EEF1AKMT1: variants seen among roughly 807,000 people sequenced by gnomAD.
EEF1AKMT1 encodes N-6 adenine-specific DNA methyltransferase 2 (putative).
EEF1AKMT1 carries 18 observed loss-of-function variants against 21.0 expected under a neutral mutation model. The observed-to-expected ratio is 0.86, with a 90% CI of 0.59 to 1.27. The LOEUF (loss-of-function observed/expected upper bound fraction) is 1.27. Ranked by LOEUF, EEF1AKMT1 falls within the 50% of genes most tolerant of loss-of-function variation. The pLI is 0.00. For synonymous variants in EEF1AKMT1, 109 were observed against 94.8 expected, an observed-to-expected ratio of 1.15 and a Z score of -0.87; for missense variants, 246 against 258.6, an observed-to-expected ratio of 0.95 and a Z score of 0.33.
rs71087090 is a variant in EEF1AKMT1, at chr13:20,736,733, C to CTTTT, written c.227+986_227+989dup. Among the ~76,000 whole-genome samples, 735 of 87,080 alleles carry CTTTT rather than the reference C, an allele frequency of 8.4e-3. 40 individuals carry two copies. Among genetic ancestry groups the CTTTT allele is most frequent in the African/African-American group, 0.017 (370 of 21,682 alleles). 57.1% of individuals were successfully genotyped at this position (87,080 alleles called of 152,430 possible). On this transcript the variant is annotated intron_variant, in intron 3 of 4. Transcript: ENST00000382758. Reference sequence around the variant, plus strand: ...CATTAAGCCTTTTAGAACCATTTGACTTTTTTTTTTTTTTTTTTTTTTGAG... The same window carrying CTTTT: ...CATTAAGCCTTTTAGAACCATTTGACTTTTTTTTTTTTTTTTTTTTTTTTTTGAG...
intron 2 of EEF1AKMT1, chr13:20,747,225 T>A: frequency 4.4e-6 from 1 of 229,026 alleles, no homozygotes; most frequent in Non-Finnish European, 8.7e-6. Context: ...AGGGCAGGTA[T>A]GGCAACAAAC....
rs2058833443 is a variant in EEF1AKMT1 at position 20,737,572 on chromosome 13, G to A, written c.227+151C>T. The A allele has an allele frequency of 3.8e-5, 23 of 610,446 alleles. No individual in the cohort carries two copies. The South Asian group carries it at 5.1e-4, about 14-fold the overall frequency. 37.8% of individuals were successfully genotyped at this position (610,446 alleles called of 1,614,324 possible). The stretch of plus-strand genomic sequence containing the variant: ...TTCTGAGTGGGTCTCTAAACTCAGT[G>A]TTGAAGCTGGTCTTAATCTGTCATA... On this transcript the variant is annotated intron_variant, in intron 3 of 4. Transcript: ENST00000382758.
chr13:20,765,032 C>T (rs1220335670), intron 1 of EEF1AKMT1, among the ~76,000 whole-genome samples: 5 of 151,778 alleles, frequency 3.3e-5, no homozygotes, highest in African/African-American at 7.3e-5. Flanking sequence ...GAGGCTGAGG[C>T]GGGTGGATCA....
At chr13:20,773,681 G>A (rs2059074895) in intron 1 of EEF1AKMT1, among the ~76,000 whole-genome samples, 1 of 152,228 alleles carries the variant, frequency 6.6e-6, no homozygotes, top group Non-Finnish European at 1.5e-5. Context: ...AGGACGCGGC[G>A]CCTTCCGGCG....
chr13:20,751,298 G>A (rs2058938853), intron 2 of EEF1AKMT1, among the ~76,000 whole-genome samples: 1 of 152,130 alleles, frequency 6.6e-6, no homozygotes, highest in African/African-American at 2.4e-5. Flanking sequence ...AAGTTTTATA[G>A]TTTCAGGATA....
chr13:20,738,527 G>C (rs1265463881), intron 2 of EEF1AKMT1, among the ~76,000 whole-genome samples: 2 of 152,182 alleles, frequency 1.3e-5, no homozygotes, highest in African/African-American at 4.8e-5. Flanking sequence ...CAGTTGCATG[G>C]GGCATGCCAA....
At chr13:20,737,890 C>T (rs1481953373) in intron 2 of EEF1AKMT1, 85 bp from the exon 3 acceptor site, 1 of 869,248 alleles carries the variant, frequency 1.2e-6, no homozygotes, top group East Asian at 2.8e-5. Context: ...TACCAGTGGA[C>T]AGATATTTTG....
chr13:20,735,375 G>A (rs1170825412), intron 3 of EEF1AKMT1, among the ~76,000 whole-genome samples: 1 of 152,140 alleles, frequency 6.6e-6, no homozygotes, highest in Non-Finnish European at 1.5e-5. Context: ...TGTCTGGATG[G>A]GGGGGATGCT....
chr13:20,734,291 G>T (rs1441540021), intron 3 of EEF1AKMT1, among the ~76,000 whole-genome samples: 1 of 152,232 alleles, frequency 6.6e-6, no homozygotes, highest in African/African-American at 2.4e-5. Context: ...AAGAAGGGAT[G>T]GGAGCAGAAA....
intron 2 of EEF1AKMT1, among the ~76,000 whole-genome samples, chr13:20,743,328 A>C (rs1041422060): frequency 1.3e-5 from 2 of 152,156 alleles, no homozygotes; most frequent in African/African-American, 4.8e-5. Flanking sequence ...TGGCCTCCCA[A>C]AGTGCTGGGA....
In EEF1AKMT1 at chr13:20,757,034, C is replaced by T. The variant is rs371670317; in HGVS notation, c.144+421G>A. Among the ~76,000 whole-genome samples the T allele has an allele frequency of 3.9e-5, 6 of 152,120 alleles. No individual in the cohort carries two copies. In the East Asian group the frequency reaches 5.8e-4, roughly 15 times the overall value. On this transcript the variant is annotated intron_variant, in intron 2 of 4. Coordinates refer to ENST00000382758, the MANE Select transcript of EEF1AKMT1 (RefSeq NM_001318939.2). The stretch of plus-strand genomic sequence containing the variant: ...CCCTCATATCCTCATTCTTCTTGGA[C>T]GCAGTAGAAGAACTTGGGAACCGCC...
intron 2 of EEF1AKMT1, among the ~76,000 whole-genome samples, chr13:20,751,892 C>CT (rs370730648): frequency 1.1e-3 from 164 of 151,914 alleles, no homozygotes; most frequent in Admixed American, 3.0e-3. Context: ...CTAGGTATTT[C>CT]TTTTTTTTGT....
chr13:20,739,154 T>C (rs1424940083), intron 2 of EEF1AKMT1, among the ~76,000 whole-genome samples: 1 of 151,802 alleles, frequency 6.6e-6, no homozygotes, highest in Non-Finnish European at 1.5e-5. Flanking sequence ...AGTTGGTAGT[T>C]CCTCCCATCC....
intron 1 of EEF1AKMT1, among the ~76,000 whole-genome samples, chr13:20,773,185 G>T (rs1360595867): frequency 6.6e-6 from 1 of 152,136 alleles, no homozygotes; most frequent in Non-Finnish European, 1.5e-5. Flanking sequence ...ACTTTAAAAA[G>T]GAGGTAATGC....
At position 20,771,221 on chromosome 13, in the gene EEF1AKMT1, T is replaced by G. The variant is rs370529776; in HGVS notation, c.-20+2700A>C. ...CACAGCTGCGTCACTGAAGAAGGGC[T>G]TTTAAATAACAGCCTGTAACTTGTT... On this transcript the variant is annotated intron_variant, in intron 1 of 4. Coordinates refer to ENST00000382758, the MANE Select transcript of EEF1AKMT1 (RefSeq NM_001318939.2). Among the ~76,000 whole-genome samples the G allele has an allele frequency of 1.7e-4, 26 of 152,306 alleles. No individual in the cohort carries two copies. The East Asian group carries it at 2.9e-3, about 17-fold the overall frequency.
chr13:20,752,399 A>G (rs1318511697), intron 2 of EEF1AKMT1, among the ~76,000 whole-genome samples: 2 of 152,262 alleles, frequency 1.3e-5, no homozygotes, highest in Middle Eastern at 3.4e-3. Flanking sequence ...AGCTATTGAG[A>G]TGATCATATA....
intron 2 of EEF1AKMT1, among the ~76,000 whole-genome samples, chr13:20,738,957 T>C (rs1361223970): frequency 6.6e-6 from 1 of 152,244 alleles, no homozygotes; most frequent in Non-Finnish European, 1.5e-5. Flanking sequence ...ACTTCAAGAA[T>C]GAAGCTGTGG....
intron 4 of EEF1AKMT1, among the ~76,000 whole-genome samples, chr13:20,730,824 C>G (rs1050029820): frequency 6.6e-6 from 1 of 152,148 alleles, no homozygotes; most frequent in African/African-American, 2.4e-5. Context: ...GCTGGCCACC[C>G]CGCAGCCAGC....
At chr13:20,759,481 G>A (rs1378361809) in intron 1 of EEF1AKMT1, among the ~76,000 whole-genome samples, 2 of 152,100 alleles carry the variant, frequency 1.3e-5, no homozygotes, top group African/African-American at 4.8e-5. Context: ...CCGGGAGGCT[G>A]AGGCAGGAGA....
Sources: allele counts gnomAD v4.1 joint callset (sites outside exome capture counted in the v4.1 genomes callset), GRCh38; gene constraint gnomAD v4.1.1; transcripts MANE v1.5; gene names NCBI Gene and HGNC (gene_info 2026-07-23, HGNC 2026-07-21).